PRMT8: variants seen among roughly 807,000 people sequenced by gnomAD.
The protein encoded by PRMT8 is protein arginine N-methyltransferase 8.
Under a neutral mutation model 47.1 loss-of-function variants are expected in PRMT8, and 7 were observed. The observed-to-expected ratio is 0.15, with a 90% CI of 0.08 to 0.28. The LOEUF (loss-of-function observed/expected upper bound fraction) is 0.28, where lower values mean the gene tolerates loss of function less well. Among genes scored for constraint, PRMT8 ranks in the 10% least tolerant of loss-of-function variants. PRMT8 has a pLI of 1.00. For synonymous variants in PRMT8, 188 were observed against 186.5 expected (o/e 1.01, Z -0.07); for missense variants, 237 against 505.4 (o/e 0.47, Z 5.09).
intron 1 of PRMT8, among the ~76,000 whole-genome samples, chr12:3,432,768 GT>G (rs1413215032): frequency 6.6e-6 from 1 of 152,114 alleles, no homozygotes; most frequent in African/African-American, 2.4e-5. Flanking sequence ...TGTGGTCTTC[GT>G]TTTGTTGGTT....
intron 1 of PRMT8, among the ~76,000 whole-genome samples, chr12:3,433,240 C>A (rs1220653507): frequency 6.6e-6 from 1 of 152,226 alleles, no homozygotes; most frequent in Non-Finnish European, 1.5e-5. Flanking sequence ...CCTGTGAATT[C>A]ATATCCTTTG....
At chr12:3,420,201 A>ACTCT (rs151074859) in intron 1 of PRMT8, among the ~76,000 whole-genome samples, 2 of 148,876 alleles carry the variant, frequency 1.3e-5, no homozygotes, top group African/African-American at 4.9e-5. Flanking sequence ...CAGACTCAAA[A>ACTCT]CTCTCTCTCT....
upstream of PRMT8, among the ~76,000 whole-genome samples, chr12:3,486,395 A>G (rs2137105322): frequency 6.6e-6 from 1 of 152,326 alleles, no homozygotes; most frequent in East Asian, 1.9e-4. Context: ...CTCTTCCTGG[A>G]AGATAAGGGT....
chr12:3,408,226 C>CTCTTT (rs563924560), intron 1 of PRMT8, among the ~76,000 whole-genome samples: 2 of 148,818 alleles, frequency 1.3e-5, no homozygotes, highest in East Asian at 3.9e-4. Flanking sequence ...TTCCTATCCT[C>CTCTTT]TCTTTTCTTT....
chr12:3,436,824 C>T lies in PRMT8; in HGVS notation c.48+55382C>T, dbSNP rs1227980430. Among the ~76,000 whole-genome samples, 2 of 152,210 alleles carry T rather than the reference C, an allele frequency of 1.3e-5. No homozygotes were observed. The highest frequency in any genetic ancestry group is 2.9e-5 in the Non-Finnish European group (2 of 68,042). ...TCCAGCAGGCAAGGCTGCGATTTCT[C>T]TCTACTGATGCTGTGGCCTCTGTGG... On this transcript the variant is annotated intron_variant, in intron 1 of 9. Transcript: ENST00000452611. The surrounding 1 kb of genome is among the most constrained non-coding windows in gnomAD (Gnocchi z 4.2).
intron 1 of PRMT8, among the ~76,000 whole-genome samples, chr12:3,496,214 A>ATATATATATT: frequency 4.7e-4 from 13 of 27,766 alleles, no homozygotes; most frequent in East Asian, 1.7e-3. Context: ...ATATATATAT[A>ATATATATATT]TTTTTTTTTT....
chr12:3,549,497 C>CT (rs34813997), intron 2 of PRMT8, among the ~76,000 whole-genome samples: 4 of 145,156 alleles, frequency 2.8e-5, no homozygotes, highest in East Asian at 2.0e-4. Flanking sequence ...ATTTTCTAGT[C>CT]TTTTTTTTTT....
intron 1 of PRMT8, among the ~76,000 whole-genome samples, chr12:3,407,597 A>C (rs1215710576): frequency 6.6e-6 from 1 of 151,940 alleles, no homozygotes; most frequent in East Asian, 1.9e-4. Flanking sequence ...CTTGAAGAGG[A>C]CCTCTTTGGG....
chr12:3,397,327 C>G (rs1321176359), intron 1 of PRMT8, among the ~76,000 whole-genome samples: 1 of 151,632 alleles, frequency 6.6e-6, no homozygotes, highest in Non-Finnish European at 1.5e-5. Flanking sequence ...CTGTTTTTTC[C>G]CCATCTTTGT....
intron 1 of PRMT8, among the ~76,000 whole-genome samples, chr12:3,496,214 A>ATATATATATATATATATTTTTTTT: frequency 1.1e-4 from 3 of 27,772 alleles, no homozygotes; most frequent in African/African-American, 2.6e-4. Flanking sequence ...ATATATATAT[A>ATATATATATATATATATTTTTTTT]TTTTTTTTTT....
intron 8 of PRMT8, among the ~76,000 whole-genome samples, chr12:3,586,110 C>A (rs1321682883): frequency 6.6e-6 from 1 of 152,134 alleles, no homozygotes; most frequent in Non-Finnish European, 1.5e-5. Flanking sequence ...TTTTATTTTC[C>A]TTGAGATGAT....
intron 1 of PRMT8, among the ~76,000 whole-genome samples, chr12:3,425,479 T>G (rs1432236261): frequency 3.3e-5 from 5 of 152,236 alleles, no homozygotes; most frequent in Admixed American, 3.3e-4. Flanking sequence ...TTGACACAGA[T>G]AGTGTAAAAG....
chr12:3,505,389 C>T (rs17696856), intron 1 of PRMT8, among the ~76,000 whole-genome samples: 39,376 of 152,062 alleles, frequency 0.26, 6,234 homozygotes, highest in Admixed American at 0.36. Flanking sequence ...GTTGCAAGTC[C>T]GAGAAAGTGG....
intron 8 of PRMT8, among the ~76,000 whole-genome samples, chr12:3,584,176 G>A (rs1867124256): frequency 6.6e-6 from 1 of 152,222 alleles, no homozygotes; most frequent in Non-Finnish European, 1.5e-5. Flanking sequence ...CTCTTGCCTT[G>A]TAGTTGTCCA....
At chr12:3,563,355 T>TCC (rs1866667643) in intron 4 of PRMT8, among the ~76,000 whole-genome samples, 3 of 151,758 alleles carry the variant, frequency 2.0e-5, no homozygotes, top group African/African-American at 7.3e-5. Context: ...AGTCCTATGT[T>TCC]CTCGGGTGAG....
rs919593842 is a variant in PRMT8 at position 3,491,325 on chromosome 12, G to A, written c.-301G>A. 9.1e-7 allele frequency: 1 copy of A among 1,099,004 alleles called. No homozygotes were observed. Among genetic ancestry groups the A allele is most frequent in the Non-Finnish European group, 1.1e-6 (1 of 902,894 alleles). 68.1% of individuals were successfully genotyped at this position (1,099,004 alleles called of 1,614,324 possible). ...CCGCCGCCGCCGCGGAGGCTTCGGG[G>A]CTGCTTCCCTCGAGCTTAGCCCGCA... On this transcript the variant is annotated 5_prime_UTR_variant, in exon 1 of 10. Transcript: ENST00000382622.
intron 1 of PRMT8, among the ~76,000 whole-genome samples, chr12:3,540,340 T>C (rs957731499): frequency 3.3e-5 from 5 of 152,206 alleles, no homozygotes; most frequent in African/African-American, 1.2e-4. Context: ...AGGCCTGCAT[T>C]GCTCAGGTCA....
intron 1 of PRMT8, among the ~76,000 whole-genome samples, chr12:3,517,877 A>G (rs1428212446): frequency 6.6e-6 from 1 of 152,172 alleles, no homozygotes; most frequent in African/African-American, 2.4e-5. Context: ...TAAAGAGCCT[A>G]TTTGTCAGCC....
At chr12:3,389,282 C>CA (rs1221655118) in intron 1 of PRMT8, among the ~76,000 whole-genome samples, 1 of 152,136 alleles carries the variant, frequency 6.6e-6, no homozygotes, top group East Asian at 1.9e-4. Context: ...GTGGACTGTC[C>CA]AGGGTCAACG....
Sources: gnomAD v4.1 joint callset for allele counts (sites outside exome capture counted in the v4.1 genomes callset) on GRCh38, gnomAD v4.1.1 for gene constraint, Gnocchi (gnomAD v3.1) non-coding constraint, MANE v1.5 for transcripts, NCBI Gene and HGNC (gene_info 2026-07-23, HGNC 2026-07-21) for gene names.